Variants in CEP72 observed in about 807,000 individuals in gnomAD.
The protein encoded by CEP72 is centrosomal protein 72.
In CEP72, 78 loss-of-function variants were observed where a neutral mutation model predicts 65.7. The observed-to-expected ratio is 1.19, with a 90% CI of 0.99 to 1.43. The LOEUF (loss-of-function observed/expected upper bound fraction) is 1.43. Ranked by LOEUF, CEP72 falls within the 40% of genes most tolerant of loss-of-function variation. CEP72 has a pLI of 0.00. For synonymous variants in CEP72, 358 were observed against 351.7 expected (o/e 1.02, Z -0.20); for missense variants, 914 against 832.9 (o/e 1.10, Z -1.20).
At chr5:644,448 C>T (rs1248259046) in intron 10 of CEP72, 23 bp downstream of exon 10, 1 of 1,612,108 alleles carries the variant, frequency 6.2e-7, no homozygotes, top group Admixed American at 1.7e-5. Context: ...TGTATTTGGT[C>T]ACTTTGTAAA....
chr5:673,325 G>A, the CEP72 span, among the ~76,000 whole-genome samples: 2 of 152,156 alleles, frequency 1.3e-5, no homozygotes, highest in African/African-American at 4.8e-5. Flanking sequence ...TCAGGACCCC[G>A]TGCCAGGATC....
chr5:612,491 TG>T, intron 1 of CEP72, 48 bp downstream of exon 1: 1 of 567,476 alleles, frequency 1.8e-6, no homozygotes, highest in Admixed American at 4.5e-5. Flanking sequence ...GGCGGGGGGG[TG>T]GGTGCCGAGC....
chr5:644,519 A>G, intron 10 of CEP72, 94 bp downstream of exon 10: 1 of 1,411,950 alleles, frequency 7.1e-7, no homozygotes, highest in South Asian at 1.2e-5. Context: ...GAGGGAAGTG[A>G]GCAGCAGCAG....
At chr5:634,639 C>T (rs1055511112) in intron 5 of CEP72, among the ~76,000 whole-genome samples, 2 of 152,078 alleles carry the variant, frequency 1.3e-5, no homozygotes, top group African/African-American at 2.4e-5. Context: ...AATTTGCATC[C>T]GCTGCTGTTG....
At chr5:648,025 A>G (rs931063167) in intron 11 of CEP72, 109 bp downstream of exon 11, 1 of 666,562 alleles carries the variant, frequency 1.5e-6, no homozygotes, top group Non-Finnish European at 2.6e-6. Flanking sequence ...GCAGCTCCTC[A>G]TGAGTCTTGG....
At chr5:654,031 G>A (rs1004550431), downstream of CEP72, among the ~76,000 whole-genome samples, 23 of 144,560 alleles carry the variant, frequency 1.6e-4, no homozygotes, top group African/African-American at 5.1e-4. Flanking sequence ...GCTAGTGTGC[G>A]CTTGCTGTGT....
intron 9 of CEP72, among the ~76,000 whole-genome samples, chr5:643,938 G>C (rs57334652): frequency 0.027 from 4,059 of 152,352 alleles, 76 homozygotes; most frequent in African/African-American, 0.043. Context: ...GTGTCCGTGA[G>C]GGCGTCCTGG....
downstream of CEP72, among the ~76,000 whole-genome samples, chr5:659,044 G>GT (rs1434930971): frequency 6.6e-6 from 1 of 152,218 alleles, no homozygotes; most frequent in African/African-American, 2.4e-5. Context: ...TCTATTCATG[G>GT]TTTTTTCCCT....
intron 3 of CEP72, among the ~76,000 whole-genome samples, chr5:622,584 G>A (rs62330297): frequency 0.013 from 2,013 of 152,376 alleles, 27 homozygotes; most frequent in Non-Finnish European, 0.021. Context: ...CTGCGGCTGG[G>A]CTTCCAGAGC....
downstream of CEP72, among the ~76,000 whole-genome samples, chr5:670,825 T>C (rs1740195122): frequency 6.6e-6 from 1 of 152,178 alleles, no homozygotes. Context: ...CTCCAGGCCC[T>C]GCCTATTCTC....
intron 11 of CEP72, among the ~76,000 whole-genome samples, chr5:649,173 GA>G (rs1738713270): frequency 8.5e-6 from 1 of 117,018 alleles, no homozygotes; most frequent in Non-Finnish European, 2.0e-5. Context: ...GTGAGGTGTG[GA>G]CTGTGAGGTG....
At chr5:626,794 C>T (rs150677624) in intron 4 of CEP72, among the ~76,000 whole-genome samples, 30 of 152,282 alleles carry the variant, frequency 2.0e-4, no homozygotes, top group African/African-American at 6.3e-4. Context: ...GCACTCTAAC[C>T]TGGGTGACAG....
At chr5:666,023 G>T (rs200582979) in exon 4 of CEP72, 1 of 1,598,446 alleles carries the variant, frequency 6.3e-7, no homozygotes, top group Middle Eastern at 1.7e-4. Context: ...TGCACCTCGC[G>T]AACGGCCTCC....
chr5:616,443 C>T (rs898990922), intron 1 of CEP72, among the ~76,000 whole-genome samples: 28 of 151,710 alleles, frequency 1.8e-4, no homozygotes, highest in Admixed American at 1.8e-3. Flanking sequence ...GACCTAAGTT[C>T]TGTGTTCTCT....
chr5:617,072 G>A (rs1237907304), intron 1 of CEP72, among the ~76,000 whole-genome samples: 2 of 152,146 alleles, frequency 1.3e-5, no homozygotes, highest in Admixed American at 6.5e-5. Context: ...TTTGGCCATC[G>A]AGAGCAGGCT....
rs547341735 is a variant in CEP72, at chr5:665,097, G to A, written n.288-83G>A. On this transcript the variant is annotated intron_variant and non_coding_transcript_variant, in intron 2 of 4. Coordinates refer to the CEP72 transcript ENST00000514507. ...CCGGCAGTGCCGCGAGGCATGGAGC[G>A]GGGGCTACTTGCCCCCTTGCACCTT... 5.9e-5 allele frequency: 95 copies of A among 1,608,054 alleles called. No individual in the cohort carries two copies. In the Admixed American group the frequency reaches 6.2e-4, roughly 10 times the overall value.
chr5:637,325 T>G (rs1238699020), intron 6 of CEP72, among the ~76,000 whole-genome samples, 192 bp from the exon 7 acceptor site: 1 of 152,188 alleles, frequency 6.6e-6, no homozygotes, highest in African/African-American at 2.4e-5. Flanking sequence ...ACCCTCCCTC[T>G]GCATGTGCCT....
At chr5:619,156 A>G (rs1736209084) in intron 2 of CEP72, 39 bp downstream of exon 2, 1 of 1,591,292 alleles carries the variant, frequency 6.3e-7, no homozygotes, top group Non-Finnish European at 8.6e-7. Context: ...TATTGCTATC[A>G]ACATCAGTGG....
At position 638,778 on chromosome 5, in the gene CEP72, C is replaced by T. The variant is rs376287032; in HGVS notation, c.1207-311C>T. 2.6e-5 allele frequency among the ~76,000 whole-genome samples: 4 copies of T among 152,158 alleles called. No homozygotes were observed. In the East Asian group the frequency reaches 5.8e-4, roughly 22 times the overall value. ...TCCTTTTGAACACAGGCTCTGACTG[C>T]GGCCTGGATGTGTCTTCCGCTTCCC... On this transcript the variant is annotated intron_variant, in intron 7 of 11. Transcript: ENST00000264935.
Sources: allele counts gnomAD v4.1 joint callset (sites outside exome capture counted in the v4.1 genomes callset), GRCh38; gene constraint gnomAD v4.1.1; transcripts MANE v1.5; gene names NCBI Gene and HGNC (gene_info 2026-07-23, HGNC 2026-07-21).